The following MCC variants were observed in gnomAD, a reference collection of about 807,000 sequenced individuals.
MCC encodes the protein colorectal mutant cancer protein.
In MCC, 90 loss-of-function variants were observed where a neutral mutation model predicts 116.2. That is an observed-to-expected ratio of 0.77 (90% CI 0.65 to 0.92). The LOEUF (loss-of-function observed/expected upper bound fraction) is 0.92, where lower values mean the gene tolerates loss of function less well. MCC is among the 40% of genes least tolerant of loss of function. The pLI is 0.00. For missense variants in MCC, 1,516 were observed against 1,312.2 expected (o/e 1.16, Z -2.40); for synonymous variants, 578 against 510.5 (o/e 1.13, Z -1.78).
intron 3 of MCC, among the ~76,000 whole-genome samples, chr5:113,214,294 G>A (rs1201434064): frequency 6.6e-6 from 1 of 152,162 alleles, no homozygotes; most frequent in African/African-American, 2.4e-5. Flanking sequence ...ACATCCCAGT[G>A]GGGAGACACT....
At chr5:113,164,910 G>C (rs1204222785) in intron 3 of MCC, among the ~76,000 whole-genome samples, 1 of 152,192 alleles carries the variant, frequency 6.6e-6, no homozygotes, top group African/African-American at 2.4e-5. Context: ...CTCTGACAGT[G>C]CCTGGCACCA....
At chr5:113,229,580 C>T (rs1241632232) in intron 3 of MCC, among the ~76,000 whole-genome samples, 4 of 152,094 alleles carry the variant, frequency 2.6e-5, no homozygotes, top group Non-Finnish European at 5.9e-5. Context: ...ACAATCACTC[C>T]GGCAAGTGTT....
chr5:113,404,688 A>T (rs1034712552), intron 1 of MCC, among the ~76,000 whole-genome samples: 6 of 152,232 alleles, frequency 3.9e-5, no homozygotes, highest in African/African-American at 1.4e-4. Context: ...AATCATCTAA[A>T]TATCCACTGA....
At chr5:113,334,548 T>C (rs979013825) in intron 3 of MCC, among the ~76,000 whole-genome samples, 3 of 149,612 alleles carry the variant, frequency 2.0e-5, no homozygotes, top group Non-Finnish European at 4.4e-5. Context: ...AAAAAATCAG[T>C]CTCAATCACT....
Position 113,027,426 on chromosome 5 carries a change from T to G in MCC, c.2936A>C (p.Lys979Thr). ...CATGGCCATCATCTGCGACTCTAAC[T>G]TCTTCAGTTTGTTTTGATGCTTTTT... The part of the protein sequence containing the change: ...AKKKHQNKLK[K>T]LESQMMAMVE... The change falls in exon 19 of 19, where the codon AAG becomes ACG. Residue 979 changes from lysine to threonine, a missense_variant. Transcript: ENST00000408903. The G allele has an allele frequency of 6.2e-7, 1 of 1,614,216 alleles. No individual in the cohort carries two copies. The highest frequency in any genetic ancestry group is 8.5e-7 in the Non-Finnish European group (1 of 1,180,030).
intron 2 of MCC, among the ~76,000 whole-genome samples, chr5:113,382,616 C>T (rs191917502): frequency 6.6e-6 from 1 of 152,106 alleles, no homozygotes; most frequent in Non-Finnish European, 1.5e-5. Context: ...GTTGTTTTCC[C>T]AATCCCCAGG....
intron 3 of MCC, among the ~76,000 whole-genome samples, chr5:113,332,295 C>A (rs907859561): frequency 6.6e-6 from 1 of 151,564 alleles, no homozygotes; most frequent in African/African-American, 2.4e-5. Context: ...CCTCCCACCT[C>A]AGCCGCCCAA....
chr5:113,128,996 C>T (rs1249086069), intron 5 of MCC, among the ~76,000 whole-genome samples: 1 of 152,172 alleles, frequency 6.6e-6, no homozygotes, highest in African/African-American at 2.4e-5. Flanking sequence ...GCTCCTAGTG[C>T]AGGCCTGAAA....
chr5:113,474,502 C>T (rs953785718), intron 1 of MCC, among the ~76,000 whole-genome samples: 3 of 152,112 alleles, frequency 2.0e-5, no homozygotes, highest in Non-Finnish European at 2.9e-5. Context: ...GTGGAGTCAC[C>T]GTGCCAGACA....
Position 113,488,369 on chromosome 5 carries a change from C to CGCT in MCC, c.43_45dup (p.Ser15dup), listed in dbSNP as rs761993749. 2.1e-5 allele frequency: 31 copies of CGCT among 1,511,344 alleles called. No homozygotes were observed. The highest frequency in any genetic ancestry group is 1.2e-4 in the African/African-American group (8 of 69,304). The allele number at this position is 1,511,344 out of a possible 1,614,324, so 93.6% of individuals were successfully genotyped here. ...CTGCCGCTGCCGCCGCCGCCGCCGC[C>CGCT]GCTGCTGGAGCTCCCCGCAGCCGCT... On this transcript the variant is annotated inframe_insertion, in exon 1 of 19. Transcript: ENST00000408903.
intron 1 of MCC, among the ~76,000 whole-genome samples, chr5:113,407,983 C>G (rs1012580754): frequency 6.6e-6 from 1 of 152,148 alleles, no homozygotes; most frequent in Admixed American, 6.5e-5. Context: ...GAATTTAGGT[C>G]TCCTAACTTC....
intron 16 of MCC, among the ~76,000 whole-genome samples, chr5:113,045,409 T>C (rs1752003026): frequency 1.3e-5 from 2 of 152,084 alleles, no homozygotes. Flanking sequence ...ATAAGAATGG[T>C]TTTCCTATTT....
At chr5:113,460,959 G>C (rs1298191750) in intron 1 of MCC, among the ~76,000 whole-genome samples, 1 of 152,206 alleles carries the variant, frequency 6.6e-6, no homozygotes, top group Non-Finnish European at 1.5e-5. Flanking sequence ...TTTTATTTAA[G>C]AAATAGTTGC....
chr5:113,389,666 T>G (rs1013962999), intron 1 of MCC, among the ~76,000 whole-genome samples: 3 of 152,210 alleles, frequency 2.0e-5, no homozygotes, highest in African/African-American at 7.2e-5. Flanking sequence ...AATATGACCA[T>G]GAGCTCCTGG....
intron 3 of MCC, among the ~76,000 whole-genome samples, chr5:113,325,428 CTTT>C (rs34751344): frequency 8.7e-5 from 12 of 137,706 alleles, no homozygotes; most frequent in African/African-American, 1.6e-4. Flanking sequence ...TCTCGCAGCA[CTTT>C]TTTTTTTTTT....
intron 14 of MCC, among the ~76,000 whole-genome samples, chr5:113,056,968 T>C (rs748477366): frequency 2.6e-5 from 4 of 151,938 alleles, no homozygotes; most frequent in Non-Finnish European, 5.9e-5. Context: ...AGAGTGGGCA[T>C]GAGGTTATTA....
intron 3 of MCC, among the ~76,000 whole-genome samples, chr5:113,261,079 T>G (rs1765203297): frequency 6.6e-6 from 1 of 152,152 alleles, no homozygotes; most frequent in African/African-American, 2.4e-5. Context: ...TGGGGTCACA[T>G]CCTGAACAAC....
chr5:113,195,416 G>A lies in MCC; in HGVS notation c.628-43994C>T, dbSNP rs368184654. Among the ~76,000 whole-genome samples the A allele has an allele frequency of 1.2e-4, 18 of 152,180 alleles. 1 individual carries two copies. Among genetic ancestry groups the A allele is most frequent in the Admixed American group, 2.0e-4 (3 of 15,288 alleles). On this transcript the variant is annotated intron_variant, in intron 3 of 18. Transcript: ENST00000408903. ...TACAAACTGTCTGCTTAGGTCTGGT[G>A]TAATTTACAACAGCCTCAAACATGT...
intron 17 of MCC, among the ~76,000 whole-genome samples, chr5:113,040,467 T>C (rs1215456404): frequency 1.3e-5 from 2 of 152,172 alleles, no homozygotes; most frequent in Non-Finnish European, 2.9e-5. Flanking sequence ...TCTGGCACCA[T>C]CCTTTTTTCA....
Sources: gnomAD v4.1 joint callset for allele counts (sites outside exome capture counted in the v4.1 genomes callset) on GRCh38, gnomAD v4.1.1 for gene constraint, MANE v1.5 for transcripts, NCBI Gene and HGNC (gene_info 2026-07-23, HGNC 2026-07-21) for gene names.